Variants in FTCD observed in about 807,000 individuals in gnomAD.
FTCD encodes formimidoyltransferase-cyclodeaminase.
FTCD carries 76 observed loss-of-function variants against 62.9 expected under a neutral mutation model. The observed-to-expected ratio is 1.21, with a 90% confidence interval of 1.00 to 1.46. The LOEUF (loss-of-function observed/expected upper bound fraction) is 1.46, where lower values mean the gene tolerates loss of function less well. Ranked by LOEUF, FTCD falls within the 40% of genes most tolerant of loss-of-function variation. FTCD has a pLI of 0.00. For synonymous variants in FTCD, 397 were observed against 336.9 expected (o/e 1.18, Z -1.95); for missense variants, 845 against 751.3 (o/e 1.12, Z -1.46).
chr21:46,141,973 C>G (rs948271704), intron 10 of FTCD: 1 of 152,102 alleles, frequency 6.6e-6, no homozygotes, highest in Admixed American at 6.5e-5. Context: ...AGGCTGGGAG[C>G]GGGCGGGGCT....
chr21:46,155,334 C>T lies in FTCD; in HGVS notation c.54+136G>A. 4 of 749,372 alleles carry T rather than the reference C, an allele frequency of 5.3e-6. No individual in the cohort carries two copies. The South Asian group carries it at 6.0e-5, about 11-fold the overall frequency. 46.4% of individuals were successfully genotyped at this position (749,372 alleles called of 1,614,324 possible). On this transcript the variant is annotated intron_variant, in intron 1 of 13. Coordinates refer to ENST00000397746, the MANE Select transcript of FTCD (RefSeq NM_206965.2). Reference sequence around the variant, plus strand: ...CCTGAGCCACGGGATGTCCTTGGGGCCCACGGGCAGCGGCTCTGCCCATCC... The same window carrying T: ...CCTGAGCCACGGGATGTCCTTGGGGTCCACGGGCAGCGGCTCTGCCCATCC...
intron 7 of FTCD, among the ~76,000 whole-genome samples, chr21:46,147,127 T>A (rs567028044): frequency 6.6e-6 from 1 of 152,332 alleles, no homozygotes; most frequent in Admixed American, 6.5e-5. Flanking sequence ...TGCCCCTCTC[T>A]GGCAGCCCCT....
rs1431274960 is a variant in FTCD at position 46,154,204 on chromosome 21, C to T, written c.183G>A (p.Gly61=). Residue 61 remains glycine, a synonymous_variant, in exon 2 of 14, where the codon GGG becomes GGA. Transcript: ENST00000397746. ...FVGPPECVVE[G]ALNAARVASR... is the part of the protein sequence containing the mutation. ...AAGCTACCCGGGCAGCGTTGAGGGC[C>T]CCCTCCACCACGCACTCCGGCGGCC... 3.1e-6 allele frequency: 5 copies of T among 1,612,754 alleles called. No individual in the cohort carries two copies. The highest frequency in any genetic ancestry group is 2.2e-5 in the East Asian group (1 of 44,884).
chr21:46,147,857 T>C (rs2123543165), intron 7 of FTCD, among the ~76,000 whole-genome samples: 1 of 149,810 alleles, frequency 6.7e-6, no homozygotes, highest in African/African-American at 2.5e-5. Context: ...GGCAGAGAAC[T>C]GCTTCAATCC....
rs1477885313 is a variant in FTCD at position 46,138,557 on chromosome 21, A to G, written c.1394T>C (p.Leu465Pro). 1.3e-6 allele frequency: 2 copies of G among 1,587,276 alleles called. No individual in the cohort carries two copies. The highest frequency in any genetic ancestry group is 1.7e-5 in the Admixed American group (1 of 57,526). ...GTTCCCACACCGGGCCAGTTCCTGCAGGGCCGGCCACAGCGAGGCCACCGT... is the reference window on the plus strand; with the variant it reads ...GTTCCCACACCGGGCCAGTTCCTGCGGGGCCGGCCACAGCGAGGCCACCGT... ...AETVASLWPA[L>P]QELARCGNLA... The change falls in exon 12 of 14, where the codon CTG becomes CCG. Residue 465 changes from leucine to proline, a missense_variant. Leu to Pro is a moderately conservative substitution (Grantham distance 98). Coordinates refer to ENST00000397746, the MANE Select transcript of FTCD (RefSeq NM_206965.2).
chr21:46,141,302 T>C, intron 10 of FTCD, among the ~76,000 whole-genome samples: 1 of 135,974 alleles, frequency 7.4e-6, no homozygotes, highest in African/African-American at 3.3e-5. Context: ...CGCCTGGCTT[T>C]ATTTTTTTTT....
In FTCD at chr21:46,151,969, C is replaced by G. The variant is rs766010122; in HGVS notation, c.379G>C (p.Gly127Arg). ...CGACTGTCCATCCTGGCTGCCTCGC[C>G]GTACAGGTAAACTGCAGGAGAGCCC... ...EELDVPVYLY[G>R]EAARMDSRRT... Residue 127 changes from glycine to arginine, a missense_variant, in exon 4 of 14, where the codon GGC (glycine) becomes CGC (arginine). Physicochemically the swap from Gly to Arg is moderately radical, Grantham distance 125 (BLOSUM62 -2). Coordinates refer to ENST00000397746, the MANE Select transcript of FTCD (RefSeq NM_206965.2). 1.9e-6 allele frequency: 3 copies of G among 1,566,398 alleles called. No individual in the cohort carries two copies. The highest frequency in any genetic ancestry group is 2.6e-6 in the Non-Finnish European group (3 of 1,156,192).
At chr21:46,145,795 C>A in intron 9 of FTCD, 23 bp downstream of exon 9, 1 of 506,484 alleles carries the variant, frequency 2.0e-6, no homozygotes, top group South Asian at 3.3e-5. Context: ...CTGCGCCTCC[C>A]CTGCCCCTCC....
At chr21:46,139,539 G>A (rs1205651419) in intron 10 of FTCD, among the ~76,000 whole-genome samples, 1 of 152,216 alleles carries the variant, frequency 6.6e-6, no homozygotes, top group African/African-American at 2.4e-5. Context: ...CCAGAGCCCT[G>A]GCCAAGGGGT....
rs763999122 is a variant in FTCD, at chr21:46,151,723, G to A, written c.471C>T (p.Asp157=). The change falls in exon 5 of 14, where the codon GAC becomes GAT. Residue 157 remains aspartate, a synonymous_variant. Transcript: ENST00000397746. ...AGCTGGGACCAAAGTCGGGCGCCCA[G>A]TCGGCCTGCTGGAGCTGTGAGCAAG... is the stretch of plus-strand genomic sequence containing the variant. ...EALPKKLQQA[D]WAPDFGPSSF... 11 of 1,612,796 alleles carry A rather than the reference G, an allele frequency of 6.8e-6. No homozygotes were observed. The African/African-American group carries it at 1.5e-4, about 22-fold the overall frequency.
chr21:46,145,398 T>C lies in FTCD; in HGVS notation c.1260+19A>G. On this transcript the variant is annotated intron_variant, in intron 10 of 13. Transcript: ENST00000397746. ...GCTGTTGGTGGGGCCCGGGGAGCCC[T>C]GCTGTGGCCGCCACTCACCAGGTAG... The C allele has an allele frequency of 1.3e-6, 2 of 1,532,368 alleles. No homozygotes were observed. The highest frequency in any genetic ancestry group is 2.4e-5 in the South Asian group (2 of 83,472). 94.9% of individuals were successfully genotyped at this position (1,532,368 alleles called of 1,614,324 possible).
chr21:46,139,016 G>A (rs1427920893), intron 10 of FTCD, 93 bp from the exon 11 acceptor site: 4 of 958,306 alleles, frequency 4.2e-6, no homozygotes, highest in East Asian at 4.8e-5. Context: ...CAAGGAGCAT[G>A]TCCCAGGCAG....
chr21:46,137,462 C>A (rs1182336417), intron 12 of FTCD, 128 bp from the exon 13 acceptor site: 6 of 766,364 alleles, frequency 7.8e-6, no homozygotes, highest in Non-Finnish European at 1.4e-5. Flanking sequence ...CCCAGCGCAG[C>A]CCCCGCTTTC....
intron 3 of FTCD, 175 bp downstream of exon 3, chr21:46,152,732 G>A (rs1395019924): frequency 1.7e-5 from 10 of 589,530 alleles, no homozygotes; most frequent in Non-Finnish European, 2.9e-5. Flanking sequence ...ACGGCCGCAG[G>A]CGAGGCTGCG....
At chr21:46,155,338 C>T (rs2277818) in intron 1 of FTCD, 132 bp downstream of exon 1, 33 of 765,482 alleles carry the variant, frequency 4.3e-5, no homozygotes, top group Admixed American at 2.4e-4. Flanking sequence ...TTGGGGCCCA[C>T]GGGCAGCGGC....
At position 46,145,482 on chromosome 21, in the gene FTCD, G is replaced by C; in HGVS notation, c.1195C>G (p.Arg399Gly). The change falls in exon 10 of 14, where the codon CGC becomes GGC. Residue 399 changes from arginine to glycine, a missense_variant. By Grantham distance (125) the Arg-to-Gly change is moderately radical (BLOSUM62 -2). Coordinates refer to ENST00000397746, the MANE Select transcript of FTCD (RefSeq NM_206965.2). ...GTGGTTAGCTTGGCCGAAGCCTCGC[G>C]GAAGGGCGGGATCAGGCGCCGCATC... is the stretch of plus-strand genomic sequence containing the variant. The part of the protein sequence containing the change: ...TTMRRLIPPF[R>G]EASAKLTTLV... The C allele has an allele frequency of 1.3e-6, 2 of 1,557,078 alleles. No homozygotes were observed. Among genetic ancestry groups the C allele is most frequent in the East Asian group, 4.9e-5 (2 of 41,236 alleles).
chr21:46,153,244 G>A (rs139144097), intron 2 of FTCD, among the ~76,000 whole-genome samples: 8 of 152,326 alleles, frequency 5.3e-5, no homozygotes, highest in Admixed American at 1.3e-4. Context: ...CCGGGACAAC[G>A]GAAGTTCCCG....
At chr21:46,137,613 TAG>T (rs2078899954) in intron 12 of FTCD, among the ~76,000 whole-genome samples, 1 of 111,184 alleles carries the variant, frequency 9.0e-6, no homozygotes, top group Non-Finnish European at 2.0e-5. Context: ...ACCACAGTTC[TAG>T]AGACAAAGTC....
chr21:46,139,981 G>C (rs1407240789), intron 10 of FTCD, among the ~76,000 whole-genome samples: 1 of 152,352 alleles, frequency 6.6e-6, no homozygotes, highest in East Asian at 1.9e-4. Flanking sequence ...TGCCCGCCCG[G>C]TCCGTTTTGT....
Sources: gnomAD v4.1 joint callset for allele counts (sites outside exome capture counted in the v4.1 genomes callset) on GRCh38, gnomAD v4.1.1 for gene constraint, MANE v1.5 for transcripts, NCBI Gene and HGNC (gene_info 2026-07-23, HGNC 2026-07-21) for gene names.